The following ACOXL variants were observed in gnomAD, a reference collection of about 807,000 sequenced individuals.
ACOXL encodes the protein acyl-coenzyme A oxidase-like protein.
Under a neutral mutation model 71.9 loss-of-function variants are expected in ACOXL, and 70 were observed. That is an observed-to-expected ratio of 0.97 (90% confidence interval 0.80 to 1.19). The LOEUF is 1.19. ACOXL is among the 50% of genes most tolerant of loss of function. The pLI is 0.00. For missense variants in ACOXL, 703 were observed against 736.3 expected (o/e 0.95, Z 0.52); for synonymous variants, 253 against 281.6 (o/e 0.90, Z 1.02).
intron 12 of ACOXL, among the ~76,000 whole-genome samples, chr2:110,941,583 C>T (rs1360104074): frequency 6.6e-6 from 1 of 152,110 alleles, no homozygotes; most frequent in Non-Finnish European, 1.5e-5. Context: ...TCTCCTATAT[C>T]ATTATGTGTA....
intron 1 of ACOXL, among the ~76,000 whole-genome samples, chr2:110,738,117 T>C (rs1478255004): frequency 6.6e-6 from 1 of 152,188 alleles, no homozygotes; most frequent in Non-Finnish European, 1.5e-5. Context: ...GTGGCTGCCA[T>C]TGCTATGAGG....
At chr2:110,978,746 G>T (rs2062570513) in intron 12 of ACOXL, among the ~76,000 whole-genome samples, 2 of 152,102 alleles carry the variant, frequency 1.3e-5, no homozygotes, top group Non-Finnish European at 2.9e-5. Flanking sequence ...CAACATTGGG[G>T]GTTAAGGAGA....
chr2:110,977,009 G>T (rs191777123), intron 12 of ACOXL, among the ~76,000 whole-genome samples: 95 of 152,236 alleles, frequency 6.2e-4, no homozygotes, highest in African/African-American at 2.2e-3. Context: ...AAAAGATTGG[G>T]TAGGAGATTT....
intron 16 of ACOXL, among the ~76,000 whole-genome samples, chr2:111,074,394 G>A (rs1299510909): frequency 3.3e-5 from 5 of 151,700 alleles, no homozygotes; most frequent in Non-Finnish European, 7.4e-5. Flanking sequence ...TTCTCTACAG[G>A]GCTTTCTGTG....
At chr2:111,032,049 A>G (rs1478511538) in intron 15 of ACOXL, among the ~76,000 whole-genome samples, 1 of 152,208 alleles carries the variant, frequency 6.6e-6, no homozygotes, top group Non-Finnish European at 1.5e-5. Context: ...CTGCCTGACC[A>G]TGATCTCGTT....
chr2:110,983,752 T>C (rs575802715), intron 12 of ACOXL, among the ~76,000 whole-genome samples: 1 of 152,340 alleles, frequency 6.6e-6, no homozygotes, highest in East Asian at 1.9e-4. Context: ...CTAGGTCCAT[T>C]TTAAGTAATG....
chr2:110,814,694 G>A (rs988688851), intron 9 of ACOXL, among the ~76,000 whole-genome samples: 1 of 152,154 alleles, frequency 6.6e-6, no homozygotes. Context: ...ATTGTTCACT[G>A]TAGAACTACA....
chr2:111,013,096 C>T (rs1042023559), intron 14 of ACOXL, among the ~76,000 whole-genome samples: 2 of 151,984 alleles, frequency 1.3e-5, no homozygotes, highest in African/African-American at 2.4e-5. Flanking sequence ...AGAATGAAAG[C>T]GGATATTATA....
At chr2:110,918,406 A>G (rs1165596170) in intron 11 of ACOXL, among the ~76,000 whole-genome samples, 1 of 152,176 alleles carries the variant, frequency 6.6e-6, no homozygotes, top group Non-Finnish European at 1.5e-5. Flanking sequence ...GCAAAAATTA[A>G]CTCAGGATGG....
chr2:110,877,539 C>T (rs1048633657), intron 10 of ACOXL, among the ~76,000 whole-genome samples: 10 of 152,146 alleles, frequency 6.6e-5, no homozygotes, highest in African/African-American at 2.2e-4. Context: ...CAGCTGAAAA[C>T]AGAACTTAAC....
At chr2:110,875,878 C>T (rs1695835894) in intron 10 of ACOXL, among the ~76,000 whole-genome samples, 1 of 152,094 alleles carries the variant, frequency 6.6e-6, no homozygotes, top group African/African-American at 2.4e-5. Context: ...CACACAGACT[C>T]ACCTGCAGGT....
chr2:110,977,357 C>G (rs2062495865), intron 12 of ACOXL, among the ~76,000 whole-genome samples: 1 of 151,276 alleles, frequency 6.6e-6, no homozygotes, highest in Admixed American at 6.6e-5. Context: ...GCACCCCAGC[C>G]TGGGTGACAG....
At chr2:111,115,172 T>C (rs936081075) in intron 17 of ACOXL, among the ~76,000 whole-genome samples, 1 of 152,184 alleles carries the variant, frequency 6.6e-6, no homozygotes, top group African/African-American at 2.4e-5. Flanking sequence ...TTGAAGTACT[T>C]TGTCCAGCAT....
At chr2:111,015,892 A>T (rs1411768083) in intron 14 of ACOXL, among the ~76,000 whole-genome samples, 2 of 152,160 alleles carry the variant, frequency 1.3e-5, no homozygotes, top group Non-Finnish European at 2.9e-5. Flanking sequence ...GTATAATTCC[A>T]TTTATGTGCC....
At chr2:110,963,797 T>G in intron 12 of ACOXL, 9 of 1,555,586 alleles carry the variant, frequency 5.8e-6, no homozygotes, top group Non-Finnish European at 7.9e-6. Flanking sequence ...TCTGATTGCC[T>G]TCTTTAATTG....
chr2:110,834,318 A>T (rs1236677313), intron 9 of ACOXL, among the ~76,000 whole-genome samples: 1 of 152,216 alleles, frequency 6.6e-6, no homozygotes. Context: ...ATTTCTTTTA[A>T]GGGACTTCAG....
At chr2:110,757,908 C>T (rs74854938) in intron 1 of ACOXL, among the ~76,000 whole-genome samples, 2,624 of 152,106 alleles carry the variant, frequency 0.017, 63 homozygotes, top group African/African-American at 0.047. Flanking sequence ...AGATCCGATT[C>T]GTCAATTTTT....
At chr2:111,005,062 G>A (rs2063808564) in intron 14 of ACOXL, among the ~76,000 whole-genome samples, 1 of 152,114 alleles carries the variant, frequency 6.6e-6, no homozygotes, top group Non-Finnish European at 1.5e-5. Context: ...ACAGAAATTG[G>A]GCAAATGGAA....
chr2:110,733,429 A>G (rs1438866013), intron 1 of ACOXL, among the ~76,000 whole-genome samples: 3 of 152,160 alleles, frequency 2.0e-5, no homozygotes, highest in Non-Finnish European at 4.4e-5. Context: ...CAGTCACCGG[A>G]CAGTCAGGAC....
Sources: gnomAD v4.1 joint callset for allele counts (sites outside exome capture counted in the v4.1 genomes callset) on GRCh38, gnomAD v4.1.1 for gene constraint, MANE v1.5 for transcripts, NCBI Gene and HGNC (gene_info 2026-07-23, HGNC 2026-07-21) for gene names.